ADGRD1: variants seen among roughly 807,000 people sequenced by gnomAD.
The protein encoded by ADGRD1 is G-protein coupled receptor 133.
Under a neutral mutation model 113.4 loss-of-function variants are expected in ADGRD1, and 77 were observed. That is an observed-to-expected ratio of 0.68 (90% CI 0.57 to 0.82). The LOEUF (loss-of-function observed/expected upper bound fraction) is 0.82, where lower values mean the gene tolerates loss of function less well. ADGRD1 is among the 40% of genes least tolerant of loss of function. ADGRD1 has a pLI of 0.00. For missense variants in ADGRD1, 1,036 were observed against 1,139.1 expected (o/e 0.91, Z 1.30); for synonymous variants, 474 against 475.0 (o/e 1.00, Z 0.03).
chr12:130,966,698 A>G lies in ADGRD1; in HGVS notation c.187+152A>G. On this transcript the variant is annotated intron_variant, in intron 3 of 24. Transcript: ENST00000261654. This position sits in a 1 kb window ranked among gnomAD's most constrained non-coding sequence, Gnocchi z 4.6. ...CTGTGGGCCGGGGAATCCCAGGGCC[A>G]TCGGGGAGCAGATGTGGACACAATC... The G allele has an allele frequency of 1.6e-6, 1 of 634,154 alleles. No individual in the cohort carries two copies. Among genetic ancestry groups the G allele is most frequent in the East Asian group, 2.7e-5 (1 of 36,650 alleles). The allele number at this position is 634,154 out of a possible 1,614,324, so 39.3% of individuals were successfully genotyped here.
At chr12:130,996,651 C>G in intron 8 of ADGRD1, among the ~76,000 whole-genome samples, 1 of 97,400 alleles carries the variant, frequency 1.0e-5, no homozygotes, top group South Asian at 3.3e-4. Context: ...GCTGGCCGGG[C>G]GGGGGGCTGA....
intron 12 of ADGRD1, among the ~76,000 whole-genome samples, chr12:131,010,260 C>T (rs776003157): frequency 4.6e-5 from 7 of 152,108 alleles, no homozygotes; most frequent in Non-Finnish European, 7.4e-5. Flanking sequence ...TGAATTCTCG[C>T]GCTGAGGGAA....
At chr12:131,026,412 C>A (rs969033873) in intron 13 of ADGRD1, 1 of 152,152 alleles carries the variant, frequency 6.6e-6, no homozygotes, top group African/African-American at 2.4e-5. Flanking sequence ...TCTGTCCGAT[C>A]TCTCAGGGCA....
At chr12:131,123,825 C>CA (rs111915156) in intron 20 of ADGRD1, among the ~76,000 whole-genome samples, 15,122 of 90,234 alleles carry the variant, frequency 0.17, 925 homozygotes, top group East Asian at 0.24. Flanking sequence ...GACTCCGTCT[C>CA]AAAAAAAAAA....
At chr12:131,055,743 G>C (rs931117288) in intron 13 of ADGRD1, among the ~76,000 whole-genome samples, 33 of 152,178 alleles carry the variant, frequency 2.2e-4, no homozygotes, top group Non-Finnish European at 4.3e-4. Context: ...AAATATGAAC[G>C]AGCACAGACT....
chr12:131,003,988 TGGC>T lies in ADGRD1; in HGVS notation c.1145-197_1145-195del, dbSNP rs951572099. On this transcript the variant is annotated intron_variant, in intron 10 of 24. Coordinates refer to ENST00000261654, the MANE Select transcript of ADGRD1 (RefSeq NM_198827.5). The surrounding 1 kb of genome is among the most constrained non-coding windows in gnomAD (Gnocchi z 4.8). ...TGGGCCGGAATGCTGAGCCTCCCCG[TGGC>T]AGTCACTGCCTGGGCTCTTCATTGC... Among the ~76,000 whole-genome samples, 6 of 148,850 alleles carry T rather than the reference TGGC, an allele frequency of 4.0e-5. No individual in the cohort carries two copies. Among genetic ancestry groups the T allele is most frequent in the African/African-American group, 1.5e-4 (6 of 40,606 alleles).
At chr12:130,976,240 G>A (rs1193968544) in intron 4 of ADGRD1, among the ~76,000 whole-genome samples, 1 of 152,024 alleles carries the variant, frequency 6.6e-6, no homozygotes, top group African/African-American at 2.4e-5. Flanking sequence ...TTACTCAGGC[G>A]ATCTGGGGTC....
intron 12 of ADGRD1, among the ~76,000 whole-genome samples, chr12:131,009,578 T>C (rs914445835): frequency 2.0e-5 from 3 of 152,184 alleles, no homozygotes; most frequent in South Asian, 2.1e-4. Context: ...AGATGGAGTA[T>C]GCTGTGATGC....
Position 130,963,307 on chromosome 12 carries a change from C to G in ADGRD1, c.104-3156C>G, listed in dbSNP as rs1255550114. 9.3e-4 allele frequency among the ~76,000 whole-genome samples: 104 copies of G among 112,172 alleles called. 1 individual carries two copies. The highest frequency in any genetic ancestry group is 4.3e-3 in the Admixed American group (36 of 8,440). The allele number at this position is 112,172 out of a possible 152,430, so 73.6% of individuals were successfully genotyped here. On this transcript the variant is annotated intron_variant, in intron 2 of 24. Transcript: ENST00000261654. ...TGCACTCCAGCCTGGGCGACAGAGC[C>G]AGACTCCGTCTCAAAAAAAAAAAAA...
intron 20 of ADGRD1, 42 bp from the exon 21 acceptor site, chr12:131,131,683 A>G (rs1242410245): frequency 1.4e-6 from 2 of 1,392,992 alleles, no homozygotes; most frequent in South Asian, 1.2e-5. Context: ...CTGCAGGTGC[A>G]GCCCAGGCCC....
chr12:131,037,290 CACTCACTGCACCAGGATCTT>C (rs1481107492), intron 13 of ADGRD1, among the ~76,000 whole-genome samples: 1 of 140,486 alleles, frequency 7.1e-6, no homozygotes, highest in African/African-American at 2.7e-5. Context: ...CACTGGGTCT[CACTCACTGCACCAGGATCTT>C]ACTCACTGCA....
At chr12:131,042,907 G>A (rs1566058382) in intron 13 of ADGRD1, among the ~76,000 whole-genome samples, 1 of 152,266 alleles carries the variant, frequency 6.6e-6, no homozygotes, top group African/African-American at 2.4e-5. Flanking sequence ...GCACAGCTGG[G>A]CGCATTCCCC....
rs1237434286 is a variant in ADGRD1 at position 131,045,760 on chromosome 12, C to T, written c.1474-31041C>T. 2.6e-5 allele frequency among the ~76,000 whole-genome samples: 4 copies of T among 152,112 alleles called. No individual in the cohort carries two copies. In the East Asian group the frequency reaches 7.7e-4, roughly 29 times the overall value. Reference sequence around the variant, plus strand: ...GCTTTCTCCTTGGGGGACAAAGCACCACAGCTGCCGGCACCAGGCGGCCAG... The same window carrying T: ...GCTTTCTCCTTGGGGGACAAAGCACTACAGCTGCCGGCACCAGGCGGCCAG... On this transcript the variant is annotated intron_variant, in intron 13 of 24. Coordinates refer to ENST00000261654, the MANE Select transcript of ADGRD1 (RefSeq NM_198827.5).
At chr12:131,135,091 G>A (rs1273848825) in intron 21 of ADGRD1, among the ~76,000 whole-genome samples, 1 of 152,224 alleles carries the variant, frequency 6.6e-6, no homozygotes. Flanking sequence ...AAGTCAGGAT[G>A]GACTGGGCTT....
At chr12:130,998,065 A>C (rs1359889186) in intron 8 of ADGRD1, among the ~76,000 whole-genome samples, 1 of 152,130 alleles carries the variant, frequency 6.6e-6, no homozygotes, top group Non-Finnish European at 1.5e-5. Context: ...CCAGTCAGGC[A>C]TGGCAGGCTG....
At chr12:131,023,142 G>A (rs1301824331) in intron 13 of ADGRD1, 4 of 152,184 alleles carry the variant, frequency 2.6e-5, no homozygotes, top group East Asian at 1.9e-4. Flanking sequence ...TGAGGGGACA[G>A]TGTTTGTTCC....
At chr12:131,009,795 CGTGTGT>C (rs142172934) in intron 12 of ADGRD1, among the ~76,000 whole-genome samples, 1 of 151,860 alleles carries the variant, frequency 6.6e-6, no homozygotes, top group South Asian at 2.1e-4. Context: ...CATACATGTG[CGTGTGT>C]GTGTGTACAT....
chr12:131,044,917 G>A (rs959208979), intron 13 of ADGRD1, among the ~76,000 whole-genome samples: 1 of 152,260 alleles, frequency 6.6e-6, no homozygotes, highest in Non-Finnish European at 1.5e-5. Context: ...CGCGGTTCGT[G>A]TGGCTGGTCC....
intron 18 of ADGRD1, among the ~76,000 whole-genome samples, chr12:131,117,048 A>G (rs1259814604): frequency 6.6e-6 from 1 of 152,214 alleles, no homozygotes; most frequent in Non-Finnish European, 1.5e-5. Flanking sequence ...GAGTCATAAG[A>G]CACATTAGCA....
Sources: gnomAD v4.1 joint callset for allele counts (sites outside exome capture counted in the v4.1 genomes callset) on GRCh38, gnomAD v4.1.1 for gene constraint, Gnocchi (gnomAD v3.1) non-coding constraint, MANE v1.5 for transcripts, NCBI Gene and HGNC (gene_info 2026-07-23, HGNC 2026-07-21) for gene names.